SPAG16: variants seen among roughly 807,000 people sequenced by gnomAD.
The protein encoded by SPAG16 is sperm-associated antigen 16 protein.
SPAG16 carries 86 observed loss-of-function variants against 80.4 expected under a neutral mutation model. The ratio of observed to expected loss-of-function variants is 1.07; its 90% CI spans 0.90 to 1.28. SPAG16 has a LOEUF of 1.28. Ranked by LOEUF, SPAG16 falls within the 50% of genes most tolerant of loss-of-function variation. The pLI is 0.00. For synonymous variants in SPAG16, 294 were observed against 265.9 expected (o/e 1.11, Z -1.03); for missense variants, 870 against 765.3 (o/e 1.14, Z -1.61).
At chr2:214,216,780 C>G (rs998997940) in intron 15 of SPAG16, among the ~76,000 whole-genome samples, 27 of 152,116 alleles carry the variant, frequency 1.8e-4, no homozygotes, top group Non-Finnish European at 4.4e-5. Flanking sequence ...TTATAGAATG[C>G]AGATTGGCAT....
intron 9 of SPAG16, among the ~76,000 whole-genome samples, chr2:213,432,189 A>C (rs886986148): frequency 6.6e-6 from 1 of 152,152 alleles, no homozygotes; most frequent in African/African-American, 2.4e-5. Context: ...GGAACTAGAA[A>C]ATCAAGATCA....
At chr2:213,461,053 A>G (rs2072329674) in intron 9 of SPAG16, among the ~76,000 whole-genome samples, 1 of 152,208 alleles carries the variant, frequency 6.6e-6, no homozygotes, top group Non-Finnish European at 1.5e-5. Flanking sequence ...TAAACAGGAC[A>G]TTCACTTGTG....
chr2:213,425,052 G>A (rs1352325382), intron 9 of SPAG16, among the ~76,000 whole-genome samples: 1 of 152,172 alleles, frequency 6.6e-6, no homozygotes, highest in African/African-American at 2.4e-5. Context: ...AGCCAGGCAC[G>A]GTGGCTCATG....
At chr2:213,597,305 A>G (rs2060915884) in intron 10 of SPAG16, among the ~76,000 whole-genome samples, 1 of 152,172 alleles carries the variant, frequency 6.6e-6, no homozygotes, top group African/African-American at 2.4e-5. Context: ...ACATTCCAGA[A>G]CTTTCTTCTC....
At chr2:213,478,846 A>G (rs890373795) in intron 9 of SPAG16, among the ~76,000 whole-genome samples, 3 of 152,166 alleles carry the variant, frequency 2.0e-5, no homozygotes, top group Non-Finnish European at 4.4e-5. Flanking sequence ...ACTCTTAAGA[A>G]TCTTCAATTT....
chr2:213,705,078 C>G (rs1462625895), intron 10 of SPAG16, among the ~76,000 whole-genome samples: 1 of 152,026 alleles, frequency 6.6e-6, no homozygotes, highest in East Asian at 1.9e-4. Flanking sequence ...TGGTGAAACC[C>G]TGTCCCTACT....
At chr2:214,327,329 T>C (rs1696566969) in intron 15 of SPAG16, among the ~76,000 whole-genome samples, 1 of 152,204 alleles carries the variant, frequency 6.6e-6, no homozygotes, top group Admixed American at 6.5e-5. Context: ...ATTTGAATCA[T>C]GGCTCTACCA....
chr2:213,531,384 G>GTC (rs764198238), intron 10 of SPAG16, among the ~76,000 whole-genome samples: 53 of 151,836 alleles, frequency 3.5e-4, no homozygotes, highest in Middle Eastern at 3.4e-3. Flanking sequence ...GTGTGTGTGT[G>GTC]TGTGTGTGTG....
intron 15 of SPAG16, among the ~76,000 whole-genome samples, chr2:214,321,470 C>A (rs1044489504): frequency 6.6e-6 from 1 of 152,196 alleles, no homozygotes; most frequent in Non-Finnish European, 1.5e-5. Context: ...TGCCCAGGAA[C>A]ACAAAGTGTG....
chr2:214,113,373 C>G (rs2053773259), intron 14 of SPAG16, among the ~76,000 whole-genome samples: 1 of 152,150 alleles, frequency 6.6e-6, no homozygotes, highest in Non-Finnish European at 1.5e-5. Context: ...GAATGCCTTG[C>G]TAGGTTGGGG....
At chr2:214,039,834 TACTC>T (rs1222945491) in intron 13 of SPAG16, among the ~76,000 whole-genome samples, 1 of 152,234 alleles carries the variant, frequency 6.6e-6, no homozygotes, top group African/African-American at 2.4e-5. Context: ...ATAGAGTTAT[TACTC>T]AAACAACCTC....
chr2:213,837,410 A>G (rs1041206181), intron 10 of SPAG16, among the ~76,000 whole-genome samples: 4 of 152,214 alleles, frequency 2.6e-5, no homozygotes, highest in Admixed American at 6.5e-5. Context: ...ATGACTCCCA[A>G]TTATGCCAAA....
At chr2:213,322,481 C>T (rs939580221) in intron 5 of SPAG16, among the ~76,000 whole-genome samples, 32 of 152,016 alleles carry the variant, frequency 2.1e-4, no homozygotes, top group African/African-American at 7.5e-4. Context: ...CTGTTTGACA[C>T]CCAAATTTAG....
At chr2:214,341,462 A>C (rs996408220) in intron 15 of SPAG16, among the ~76,000 whole-genome samples, 3 of 152,198 alleles carry the variant, frequency 2.0e-5, no homozygotes, top group African/African-American at 7.2e-5. Context: ...ATTACCCTTG[A>C]ACTACAAATT....
At chr2:213,683,636 A>G (rs918526621) in intron 10 of SPAG16, among the ~76,000 whole-genome samples, 2 of 152,190 alleles carry the variant, frequency 1.3e-5, no homozygotes, top group Non-Finnish European at 2.9e-5. Context: ...TCACATTGAA[A>G]TACATTCTGT....
intron 11 of SPAG16, among the ~76,000 whole-genome samples, chr2:213,916,427 C>T (rs1004710728): frequency 3.9e-5 from 6 of 152,016 alleles, no homozygotes; most frequent in African/African-American, 9.7e-5. Flanking sequence ...TGGTTGTAGA[C>T]GTGTGGCATT....
intron 15 of SPAG16, among the ~76,000 whole-genome samples, chr2:214,181,958 A>G (rs1445452773): frequency 6.6e-6 from 1 of 151,780 alleles, no homozygotes; most frequent in African/African-American, 2.4e-5. Flanking sequence ...CAGCACACAC[A>G]TACTCTTCAT....
intron 14 of SPAG16, among the ~76,000 whole-genome samples, chr2:214,110,030 G>C (rs2053585096): frequency 6.6e-6 from 1 of 152,082 alleles, no homozygotes; most frequent in African/African-American, 2.4e-5. Flanking sequence ...ATGGAAATAA[G>C]CAAATTAGAT....
intron 3 of SPAG16, among the ~76,000 whole-genome samples, chr2:213,305,301 A>G (rs1164562561): frequency 6.6e-6 from 1 of 152,108 alleles, no homozygotes; most frequent in Non-Finnish European, 1.5e-5. Flanking sequence ...GCATTTGCAA[A>G]CAAGGATAAT....
Sources: gnomAD v4.1 joint callset for allele counts (sites outside exome capture counted in the v4.1 genomes callset) on GRCh38, gnomAD v4.1.1 for gene constraint, MANE v1.5 for transcripts, NCBI Gene and HGNC (gene_info 2026-07-23, HGNC 2026-07-21) for gene names.